ST6GALNAC3: variants seen among roughly 807,000 people sequenced by gnomAD.
ST6GALNAC3 encodes alpha-N-acetylgalactosaminide alpha-2,6-sialyltransferase 3.
ST6GALNAC3 carries 25 observed loss-of-function variants against 32.7 expected under a neutral mutation model. The observed-to-expected ratio is 0.76, with a 90% CI of 0.56 to 1.07. The LOEUF is 1.07. Among genes scored for constraint, ST6GALNAC3 ranks in the 50% least tolerant of loss-of-function variants. The pLI, the probability that ST6GALNAC3 is intolerant of heterozygous loss-of-function variation, is 0.00. For missense variants in ST6GALNAC3, 355 were observed against 382.4 expected (o/e 0.93, Z 0.60); for synonymous variants, 129 against 133.1 (o/e 0.97, Z 0.21).
chr1:76,602,914 A>T (rs966708804), intron 3 of ST6GALNAC3, among the ~76,000 whole-genome samples: 1 of 152,180 alleles, frequency 6.6e-6, no homozygotes, highest in Middle Eastern at 3.2e-3. Context: ...TTGCAAAAAA[A>T]TATGCAATAA....
chr1:76,285,108 G>T (rs530567344), intron 1 of ST6GALNAC3, among the ~76,000 whole-genome samples: 1 of 152,298 alleles, frequency 6.6e-6, no homozygotes, highest in South Asian at 2.1e-4. Flanking sequence ...GACTAGAAAT[G>T]ATCACATAGA....
chr1:76,366,798 G>A (rs1261637012), intron 2 of ST6GALNAC3, among the ~76,000 whole-genome samples: 1 of 152,226 alleles, frequency 6.6e-6, no homozygotes, highest in Non-Finnish European at 1.5e-5. Flanking sequence ...AGATTTGAAA[G>A]CCAGCACTTT....
intron 1 of ST6GALNAC3, among the ~76,000 whole-genome samples, chr1:76,114,534 A>G (rs973663301): frequency 6.6e-6 from 1 of 152,208 alleles, no homozygotes; most frequent in Non-Finnish European, 1.5e-5. Flanking sequence ...AAAATGACGC[A>G]TGCATAATTA....
intron 1 of ST6GALNAC3, among the ~76,000 whole-genome samples, chr1:76,294,147 A>G (rs1441259801): frequency 6.6e-6 from 1 of 152,134 alleles, no homozygotes; most frequent in Non-Finnish European, 1.5e-5. Context: ...CATTGTTCCC[A>G]CTATTCAGTA....
intron 1 of ST6GALNAC3, among the ~76,000 whole-genome samples, chr1:76,274,666 C>A (rs1011084436): frequency 5.9e-5 from 9 of 152,162 alleles, no homozygotes; most frequent in Admixed American, 2.0e-4. Context: ...ATGCTAGCCC[C>A]AGTCCTCTTT....
intron 1 of ST6GALNAC3, among the ~76,000 whole-genome samples, chr1:76,235,607 G>A (rs1357548582): frequency 6.6e-6 from 1 of 151,436 alleles, no homozygotes; most frequent in Admixed American, 6.6e-5. Flanking sequence ...TTGATATAAT[G>A]GATAAATTCA....
chr1:76,603,591 C>G (rs1647341996), intron 3 of ST6GALNAC3, among the ~76,000 whole-genome samples: 1 of 152,136 alleles, frequency 6.6e-6, no homozygotes, highest in African/African-American at 2.4e-5. Context: ...AATCCAAAAA[C>G]TAAAATAACA....
intron 2 of ST6GALNAC3, among the ~76,000 whole-genome samples, chr1:76,318,770 C>A (rs1646914915): frequency 6.6e-6 from 1 of 151,976 alleles, no homozygotes; most frequent in African/African-American, 2.4e-5. Context: ...ATCCTAAAAC[C>A]CTATTTTCCC....
chr1:76,338,072 C>T (rs1372424331), intron 2 of ST6GALNAC3, among the ~76,000 whole-genome samples: 1 of 152,100 alleles, frequency 6.6e-6, no homozygotes, highest in Non-Finnish European at 1.5e-5. Context: ...GGGAACTGCA[C>T]AGTATGCTAA....
chr1:76,145,151 T>C (rs1261766864), intron 1 of ST6GALNAC3, among the ~76,000 whole-genome samples: 1 of 152,156 alleles, frequency 6.6e-6, no homozygotes, highest in Admixed American at 6.5e-5. Flanking sequence ...GTTATTACAG[T>C]TTCCTGTTTC....
intron 2 of ST6GALNAC3, among the ~76,000 whole-genome samples, chr1:76,388,132 G>A (rs530723047): frequency 1.6e-4 from 24 of 152,058 alleles, no homozygotes; most frequent in African/African-American, 4.8e-4. Flanking sequence ...AAAAAAAAAT[G>A]TCATGGGAAT....
intron 1 of ST6GALNAC3, among the ~76,000 whole-genome samples, chr1:76,283,228 G>A (rs1046461001): frequency 1.3e-5 from 2 of 152,030 alleles, no homozygotes; most frequent in African/African-American, 4.8e-5. Context: ...ATTTGTTGAT[G>A]TTACAGAGTA....
At chr1:76,594,631 T>A (rs1301013511) in intron 3 of ST6GALNAC3, among the ~76,000 whole-genome samples, 1 of 152,196 alleles carries the variant, frequency 6.6e-6, no homozygotes, top group East Asian at 1.9e-4. Flanking sequence ...AGCTAGGTGA[T>A]AGAATAGATA....
chr1:76,355,484 T>C (rs1649362378), intron 2 of ST6GALNAC3, among the ~76,000 whole-genome samples: 1 of 152,192 alleles, frequency 6.6e-6, no homozygotes, highest in African/African-American at 2.4e-5. Context: ...TGCCACCTTC[T>C]CTACCAACGA....
intron 1 of ST6GALNAC3, among the ~76,000 whole-genome samples, chr1:76,200,971 A>G (rs1654482900): frequency 6.6e-6 from 1 of 152,114 alleles, no homozygotes; most frequent in South Asian, 2.1e-4. Flanking sequence ...ACATTTGAAG[A>G]TTATTAATAA....
chr1:76,295,189 G>A (rs999904342), intron 1 of ST6GALNAC3, among the ~76,000 whole-genome samples: 4 of 151,872 alleles, frequency 2.6e-5, no homozygotes, highest in African/African-American at 9.7e-5. Context: ...AGCAATTATA[G>A]TTTAAAGCTA....
At chr1:76,312,725 C>T (rs1419047201) in intron 1 of ST6GALNAC3, among the ~76,000 whole-genome samples, 1 of 152,094 alleles carries the variant, frequency 6.6e-6, no homozygotes, top group Non-Finnish European at 1.5e-5. Context: ...ACCTAGCAAA[C>T]TTAGTATAGA....
chr1:76,395,917 A>G (rs1228585821), intron 2 of ST6GALNAC3, among the ~76,000 whole-genome samples: 2 of 152,190 alleles, frequency 1.3e-5, no homozygotes, highest in Admixed American at 6.5e-5. Context: ...TAGGGTGAAT[A>G]TAGTTAAAAA....
At chr1:76,090,077 AAGTGCT>A (rs1221761955) in intron 1 of ST6GALNAC3, among the ~76,000 whole-genome samples, 1 of 152,176 alleles carries the variant, frequency 6.6e-6, no homozygotes, top group East Asian at 1.9e-4. Context: ...TCTCCATTGT[AAGTGCT>A]AGTGGGGCCA....
Sources: allele counts gnomAD v4.1 joint callset (sites outside exome capture counted in the v4.1 genomes callset), GRCh38; gene constraint gnomAD v4.1.1; transcripts MANE v1.5; gene names NCBI Gene and HGNC (gene_info 2026-07-23, HGNC 2026-07-21).